DNM3: variants seen among roughly 807,000 people sequenced by gnomAD.
DNM3 encodes dynamin-3.
A neutral mutation model predicts 101.6 loss-of-function variants in DNM3; 47 were observed. That is an observed-to-expected ratio of 0.46 (90% CI 0.37 to 0.59). DNM3 has a LOEUF of 0.59. DNM3 is among the 20% of genes least tolerant of loss of function. The pLI, the probability that DNM3 is intolerant of heterozygous loss-of-function variation, is 0.00. For synonymous variants in DNM3, 385 were observed against 387.9 expected (o/e 0.99, Z 0.09); for missense variants, 849 against 1,085.7 (o/e 0.78, Z 3.06).
chr1:172,035,788 C>G (rs773087710), intron 6 of DNM3, among the ~76,000 whole-genome samples: 2 of 152,074 alleles, frequency 1.3e-5, no homozygotes, highest in Non-Finnish European at 2.9e-5. Flanking sequence ...TTGTTGCCTG[C>G]TTCATAGTTA....
At chr1:171,873,740 C>T (rs983409348) in intron 1 of DNM3, among the ~76,000 whole-genome samples, 2 of 152,186 alleles carry the variant, frequency 1.3e-5, no homozygotes, top group African/African-American at 2.4e-5. Flanking sequence ...AAAAACTGTA[C>T]GCTTTTTCTT....
intron 2 of DNM3, among the ~76,000 whole-genome samples, chr1:171,982,511 T>G (rs939448693): frequency 6.6e-6 from 1 of 152,168 alleles, no homozygotes; most frequent in Non-Finnish European, 1.5e-5. Context: ...TAGAAAAAAG[T>G]ACTTTGTGGT....
intron 1 of DNM3, among the ~76,000 whole-genome samples, chr1:171,869,456 G>T (rs1392692484): frequency 6.6e-6 from 1 of 152,198 alleles, no homozygotes; most frequent in African/African-American, 2.4e-5. Context: ...AAGGAAAGAA[G>T]GTAGTTATAT....
chr1:172,040,931 A>T (rs1352999097), intron 7 of DNM3, among the ~76,000 whole-genome samples: 1 of 152,076 alleles, frequency 6.6e-6, no homozygotes, highest in Non-Finnish European at 1.5e-5. Flanking sequence ...GAGTTGGATG[A>T]GTGGTAAGAG....
intron 13 of DNM3, among the ~76,000 whole-genome samples, chr1:172,119,146 C>G (rs980886100): frequency 1.3e-5 from 2 of 151,964 alleles, no homozygotes; most frequent in African/African-American, 2.4e-5. Flanking sequence ...GCATGCACCA[C>G]CACACCCAGT....
At chr1:171,905,272 A>G (rs961798110) in intron 1 of DNM3, among the ~76,000 whole-genome samples, 2 of 152,198 alleles carry the variant, frequency 1.3e-5, no homozygotes, top group Non-Finnish European at 2.9e-5. Context: ...TCATCTGACA[A>G]CCTAGAAAAT....
intron 15 of DNM3, among the ~76,000 whole-genome samples, chr1:172,258,871 G>T (rs183226518): frequency 6.6e-6 from 1 of 151,132 alleles, no homozygotes; most frequent in African/African-American, 2.4e-5. Context: ...TATTTCTTTT[G>T]ATGTAGGCAA....
rs1391586415 is a variant in DNM3, at chr1:172,131,249, C to T, written c.1620C>T (p.Val540=). ...GCGGCTCGAAGGGATACTGGTTCGTCCTTACTGCGGAAAGCTTGTCCTGGT... is the reference window on the plus strand; with the variant it reads ...GCGGCTCGAAGGGATACTGGTTCGTTCTTACTGCGGAAAGCTTGTCCTGGT... The part of the protein sequence containing the change: ...MKGGSKGYWF[V]LTAESLSWYK... Residue 540 remains valine (V), a synonymous_variant, in exon 14 of 21, where the codon GTC becomes GTT. Transcript: ENST00000627582. 1 of 1,613,268 alleles carries T rather than the reference C, an allele frequency of 6.2e-7. No homozygotes were observed. The highest frequency in any genetic ancestry group is 1.3e-5 in the African/African-American group (1 of 74,960).
intron 2 of DNM3, among the ~76,000 whole-genome samples, chr1:171,952,182 C>T (rs1571798623): frequency 6.6e-6 from 1 of 152,266 alleles, no homozygotes; most frequent in East Asian, 1.9e-4. Context: ...CTTAAAATGT[C>T]ACACTTTTAG....
At chr1:171,878,634 T>G (rs1273866908) in intron 1 of DNM3, among the ~76,000 whole-genome samples, 3 of 152,164 alleles carry the variant, frequency 2.0e-5, no homozygotes, top group Admixed American at 6.5e-5. Flanking sequence ...TTGTTTGATT[T>G]GCTACCCAGT....
At chr1:172,316,932 A>G (rs1247772202) in intron 16 of DNM3, among the ~76,000 whole-genome samples, 1 of 152,214 alleles carries the variant, frequency 6.6e-6, no homozygotes, top group African/African-American at 2.4e-5. Flanking sequence ...TCAATAGAAT[A>G]TACATTTTTT....
intron 17 of DNM3, among the ~76,000 whole-genome samples, chr1:172,326,850 T>C (rs2065957912): frequency 6.6e-6 from 1 of 152,158 alleles, no homozygotes; most frequent in African/African-American, 2.4e-5. Context: ...CAAAAAGTTT[T>C]AGGTTACAAG....
intron 14 of DNM3, among the ~76,000 whole-genome samples, chr1:172,218,543 AAGTG>A (rs1308882779): frequency 5.3e-5 from 8 of 152,204 alleles, no homozygotes; most frequent in African/African-American, 1.7e-4. Flanking sequence ...TATCCCACTT[AAGTG>A]AGTATTTGCA....
chr1:172,191,958 G>T (rs2059742054), intron 14 of DNM3, among the ~76,000 whole-genome samples: 1 of 150,278 alleles, frequency 6.7e-6, no homozygotes, highest in Non-Finnish European at 1.5e-5. Context: ...CATGTCATCT[G>T]CACTTTTCCT....
chr1:172,292,695 C>A (rs2063980144), intron 15 of DNM3, among the ~76,000 whole-genome samples: 1 of 151,848 alleles, frequency 6.6e-6, no homozygotes, highest in Non-Finnish European at 1.5e-5. Context: ...GCAAAAACTG[C>A]CATTACTTTT....
chr1:172,083,142 A>G (rs773538570), intron 12 of DNM3, among the ~76,000 whole-genome samples: 2 of 152,054 alleles, frequency 1.3e-5, no homozygotes, highest in Admixed American at 6.6e-5. Flanking sequence ...TGTTCTGTTC[A>G]TTTCCTTCTG....
Position 172,412,000 on chromosome 1 carries a change from T to G in DNM3, c.*4159T>G. The G allele has an allele frequency of 1.0e-6, 1 of 985,764 alleles. No individual in the cohort carries two copies. Among genetic ancestry groups the G allele is most frequent in the Non-Finnish European group, 1.2e-6 (1 of 829,862 alleles). The allele number at this position is 985,764 out of a possible 1,614,324, so 61.1% of individuals were successfully genotyped here. ...ATGTGGTGCTGTGTAGGTGAAACTT[T>G]AAGAATATTTTTGAAGCATATGTAA... On this transcript the variant is annotated 3_prime_UTR_variant, in exon 21 of 21. Transcript: ENST00000627582.
intron 11 of DNM3, among the ~76,000 whole-genome samples, chr1:172,076,405 G>C (rs1237497160): frequency 1.3e-5 from 2 of 152,130 alleles, no homozygotes; most frequent in Admixed American, 1.3e-4. Flanking sequence ...GTTTTCAAAG[G>C]GAATGCTTCC....
At chr1:172,184,028 C>G (rs1302028304) in intron 14 of DNM3, among the ~76,000 whole-genome samples, 2 of 151,806 alleles carry the variant, frequency 1.3e-5, no homozygotes, top group Non-Finnish European at 2.9e-5. Flanking sequence ...CAGTTACACT[C>G]AAGTAATAGC....
Sources: allele counts gnomAD v4.1 joint callset (sites outside exome capture counted in the v4.1 genomes callset), GRCh38; gene constraint gnomAD v4.1.1; transcripts MANE v1.5; gene names NCBI Gene and HGNC (gene_info 2026-07-23, HGNC 2026-07-21).